DOLPP1: variants seen among roughly 807,000 people sequenced by gnomAD.
The protein encoded by DOLPP1 is dolichyl pyrophosphate phosphatase 1.
A neutral mutation model predicts 34.1 loss-of-function variants in DOLPP1; 15 were observed. The ratio of observed to expected loss-of-function variants is 0.44; its 90% CI spans 0.29 to 0.68. The LOEUF (loss-of-function observed/expected upper bound fraction) is 0.68. Among genes scored for constraint, DOLPP1 ranks in the 30% least tolerant of loss-of-function variants. The pLI is 0.12. For missense variants in DOLPP1, 249 were observed against 307.1 expected (o/e 0.81, Z 1.41); for synonymous variants, 130 against 128.2 (o/e 1.01, Z -0.10).
chr9:129,084,895 C>T, intron 2 of DOLPP1, 127 bp downstream of exon 2: 1 of 1,249,394 alleles, frequency 8.0e-7, no homozygotes, highest in Non-Finnish European at 1.1e-6. Context: ...GTGCGTGGAG[C>T]CTCCTGGCTG....
Position 129,085,619 on chromosome 9 carries a change from A to T in DOLPP1, c.461+3A>T. ...GCCTTCCTAGTCTCCTACAGCAGGT[A>T]TGGAGGAGGGAGAGCCCCTGCCTGC... On this transcript the variant is annotated splice_donor_region_variant and intron_variant, in intron 5 of 7. Coordinates refer to ENST00000372546, the MANE Select transcript of DOLPP1 (RefSeq NM_020438.5). The surrounding 1 kb of genome is among the most constrained non-coding windows in gnomAD (Gnocchi z 7.0). 6.2e-7 allele frequency: 1 copy of T among 1,608,898 alleles called. No homozygotes were observed.
intron 6 of DOLPP1, 95 bp from the exon 7 acceptor site, chr9:129,086,614 T>A: frequency 7.9e-7 from 1 of 1,262,534 alleles, no homozygotes. Context: ...TCGGGGCGGG[T>A]GCCGTGCCAG....
chr9:129,086,393 G>A (rs1021325892), intron 6 of DOLPP1, 126 bp downstream of exon 6: 2 of 1,262,644 alleles, frequency 1.6e-6, no homozygotes. Context: ...CAGTGCCCCA[G>A]GGTTTGTGGC....
chr9:129,086,614 T>G (rs975005565), intron 6 of DOLPP1, 95 bp from the exon 7 acceptor site: 209 of 1,262,520 alleles, frequency 1.7e-4, no homozygotes, highest in East Asian at 1.2e-3. Flanking sequence ...TCGGGGCGGG[T>G]GCCGTGCCAG....
At chr9:129,084,524 T>A in intron 1 of DOLPP1, 144 bp from the exon 2 acceptor site, 1 of 729,882 alleles carries the variant, frequency 1.4e-6, no homozygotes, top group Non-Finnish European at 2.5e-6. Context: ...AATCGGCCGG[T>A]AAACAGGTGT....
chr9:129,084,080 A>G (rs570623556), intron 1 of DOLPP1, among the ~76,000 whole-genome samples: 16 of 152,294 alleles, frequency 1.1e-4, no homozygotes, highest in African/African-American at 1.9e-4. Context: ...CCGTCGCCCT[A>G]TTGGGCTTGG....
At chr9:129,081,968 G>A (rs1180505941) in intron 1 of DOLPP1, among the ~76,000 whole-genome samples, 3 of 152,210 alleles carry the variant, frequency 2.0e-5, no homozygotes, top group Admixed American at 2.0e-4. Flanking sequence ...CATCTCTAAA[G>A]TGGGACTGAT....
Position 129,089,153 on chromosome 9 carries a change from A to G in DOLPP1, c.*146A>G, listed in dbSNP as rs993770531. The G allele has an allele frequency of 8.8e-5, 68 of 770,814 alleles. No individual in the cohort carries two copies. The highest frequency in any genetic ancestry group is 1.0e-5 in the Non-Finnish European group (5 of 487,718). 47.7% of individuals were successfully genotyped at this position (770,814 alleles called of 1,614,324 possible). ...CTTTTTTTTTCTTATTTTAATTTTA[A>G]TGAACAAGGTGGACCAAAGGGCTGA... is the stretch of plus-strand genomic sequence containing the variant. On this transcript the variant is annotated 3_prime_UTR_variant, in exon 8 of 8. Coordinates refer to ENST00000372546, the MANE Select transcript of DOLPP1 (RefSeq NM_020438.5). This position sits in a 1 kb window ranked among gnomAD's most constrained non-coding sequence, Gnocchi z 4.9.
intron 7 of DOLPP1, among the ~76,000 whole-genome samples, chr9:129,087,509 G>A (rs942329129): frequency 6.6e-6 from 1 of 152,002 alleles, no homozygotes; most frequent in African/African-American, 2.4e-5. Context: ...GTAGAGACGG[G>A]GTTTCACCGT....
At chr9:129,081,687 T>G (rs1846892494) in intron 1 of DOLPP1, among the ~76,000 whole-genome samples, 1 of 152,158 alleles carries the variant, frequency 6.6e-6, no homozygotes, top group African/African-American at 2.4e-5. Flanking sequence ...GGCTTTTGAG[T>G]ACTTGTGGTG....
intron 6 of DOLPP1, 93 bp downstream of exon 6, chr9:129,086,360 C>A: frequency 1.4e-6 from 2 of 1,468,060 alleles, no homozygotes; most frequent in Non-Finnish European, 1.8e-6. Flanking sequence ...TTGACCCCAG[C>A]CCCTGTCTCC....
In DOLPP1 at chr9:129,085,636, C is replaced by A; in HGVS notation, c.461+20C>A. 1 of 1,586,350 alleles carries A rather than the reference C, an allele frequency of 6.3e-7. No homozygotes were observed. The highest frequency in any genetic ancestry group is 8.6e-7 in the Non-Finnish European group (1 of 1,161,136). On this transcript the variant is annotated intron_variant, in intron 5 of 7. Transcript: ENST00000372546. The surrounding 1 kb of genome is among the most constrained non-coding windows in gnomAD (Gnocchi z 7.0). ...CAGCAGGTATGGAGGAGGGAGAGCC[C>A]CTGCCTGCACCCTGCCCATGTGGGG...
At chr9:129,084,601 G>A (rs542581525) in intron 1 of DOLPP1, 67 bp from the exon 2 acceptor site, 3 of 1,170,862 alleles carry the variant, frequency 2.6e-6, no homozygotes, top group East Asian at 2.3e-5. Context: ...GGCCTTACTT[G>A]TAGGGGGCTG....
At position 129,081,268 on chromosome 9, in the gene DOLPP1, C is replaced by T. The variant is rs557254056; in HGVS notation, c.76+61C>T. The T allele has an allele frequency of 1.8e-4, 281 of 1,585,674 alleles. 2 individuals are homozygous for T. The Admixed American group carries it at 4.7e-3, about 27-fold the overall frequency. ...AGGGACGGCCTCTCAGTCCCGGGCGCTCCGGCCTGCTCGAGCCCGCGGAGG... is the reference window on the plus strand; with the variant it reads ...AGGGACGGCCTCTCAGTCCCGGGCGTTCCGGCCTGCTCGAGCCCGCGGAGG... On this transcript the variant is annotated intron_variant, in intron 1 of 7. Transcript: ENST00000372546.
chr9:129,086,864 G>GGCAGA, intron 7 of DOLPP1, 66 bp downstream of exon 7: 1 of 1,428,502 alleles, frequency 7.0e-7, no homozygotes, highest in Non-Finnish European at 9.9e-7. Context: ...CATGTTTGGA[G>GGCAGA]GGCTCTCCGG....
At position 129,085,852 on chromosome 9, in the gene DOLPP1, C is replaced by T. The variant is rs1282190069; in HGVS notation, c.461+236C>T. ...CCACGTATCAGCCATCTCTTCCCAG[C>T]GTTCCGGAGGAGCCCACTGTAGACA... On this transcript the variant is annotated intron_variant, in intron 5 of 7. Transcript: ENST00000372546. This position sits in a 1 kb window ranked among gnomAD's most constrained non-coding sequence, Gnocchi z 7.0. Among the ~76,000 whole-genome samples the T allele has an allele frequency of 6.6e-6, 1 of 152,254 alleles. No homozygotes were observed. The highest frequency in any genetic ancestry group is 1.5e-5 in the Non-Finnish European group (1 of 68,044).
intron 2 of DOLPP1, 24 bp downstream of exon 2, chr9:129,084,792 T>TA: frequency 4.3e-6 from 5 of 1,160,854 alleles, no homozygotes; most frequent in South Asian, 1.2e-5. Flanking sequence ...GCCCACACCC[T>TA]CCCCACCCCA....
chr9:129,084,632 GC>G (rs1362416376), intron 1 of DOLPP1, 35 bp from the exon 2 acceptor site: 1 of 1,427,326 alleles, frequency 7.0e-7, no homozygotes, highest in Non-Finnish European at 9.9e-7. Flanking sequence ...TGATGCCTGT[GC>G]CCTGTCCTCC....
intron 6 of DOLPP1, 121 bp downstream of exon 6, chr9:129,086,388 C>A (rs1425245651): frequency 6.2e-6 from 8 of 1,291,124 alleles, no homozygotes; most frequent in Admixed American, 2.3e-5. Context: ...GGCCCCAGTG[C>A]CCCAGGGTTT....
Sources: gnomAD v4.1 joint callset for allele counts (sites outside exome capture counted in the v4.1 genomes callset) on GRCh38, gnomAD v4.1.1 for gene constraint, Gnocchi (gnomAD v3.1) non-coding constraint, MANE v1.5 for transcripts, NCBI Gene and HGNC (gene_info 2026-07-23, HGNC 2026-07-21) for gene names.